Variants in ABCB11 observed in about 807,000 individuals in gnomAD.
ABCB11 encodes bile salt export pump.
Under a neutral mutation model 148.0 loss-of-function variants are expected in ABCB11, and 95 were observed. The ratio of observed to expected loss-of-function variants is 0.64; its 90% CI spans 0.54 to 0.76. The LOEUF (loss-of-function observed/expected upper bound fraction) is 0.76, where lower values mean the gene tolerates loss of function less well. Among genes scored for constraint, ABCB11 ranks in the 30% least tolerant of loss-of-function variants. The pLI, the probability that ABCB11 is intolerant of heterozygous loss-of-function variation, is 0.00. For synonymous variants in ABCB11, 591 were observed against 555.4 expected, an observed-to-expected ratio of 1.06 and a Z score of -0.90; for missense variants, 1,523 against 1,617.8, an observed-to-expected ratio of 0.94 and a Z score of 1.01.
downstream of ABCB11, among the ~76,000 whole-genome samples, chr2:168,918,956 T>A (rs1469766867): frequency 6.6e-6 from 1 of 152,218 alleles, no homozygotes. Context: ...AAGATATATA[T>A]GTACATAAAT....
In ABCB11 at chr2:168,935,238, C is replaced by A; in HGVS notation, c.3002G>T (p.Arg1001Ile). Residue 1001 changes from arginine (R) to isoleucine (I), a missense_variant, in exon 23 of 28, where the codon AGA becomes ATA. Physicochemically the swap from Arg to Ile is moderately conservative, Grantham distance 97. Coordinates refer to ENST00000650372, the MANE Select transcript of ABCB11 (RefSeq NM_003742.4). The part of the protein sequence containing the change: ...IMFIANSASY[R>I]YGGYLISNEG... ...ATTGGAGATTAAGTAACCTCCATAT[C>A]TGTAGGAAGCAGAATTCGCAATAAA... 6.2e-7 allele frequency: 1 copy of A among 1,613,960 alleles called. No homozygotes were observed. The highest frequency in any genetic ancestry group is 1.7e-5 in the Admixed American group (1 of 60,028).
chr2:169,005,967 A>G (rs1447342084), intron 5 of ABCB11, among the ~76,000 whole-genome samples: 1 of 152,256 alleles, frequency 6.6e-6, no homozygotes, highest in South Asian at 2.1e-4. Context: ...GAAGAATTCT[A>G]CAAAGCATTT....
intron 19 of ABCB11, among the ~76,000 whole-genome samples, chr2:168,951,745 T>TC (rs1405267869): frequency 6.6e-6 from 1 of 151,652 alleles, no homozygotes; most frequent in Admixed American, 6.6e-5. Flanking sequence ...TTATTTTTTT[T>TC]CTCTTGCCTG....
In ABCB11 at chr2:168,939,869, A is replaced by G. The variant is rs558728288; in HGVS notation, c.2611-3436T>C. On this transcript the variant is annotated intron_variant, in intron 21 of 27. Coordinates refer to ENST00000650372, the MANE Select transcript of ABCB11 (RefSeq NM_003742.4). The stretch of plus-strand genomic sequence containing the variant: ...TTTTAGTAATTCTCAAAATATTCAA[A>G]CTTTTTCATTATTATATCTGTTATG... Among the ~76,000 whole-genome samples the G allele has an allele frequency of 7.2e-5, 11 of 152,126 alleles. No individual in the cohort carries two copies. In the East Asian group the frequency reaches 1.7e-3, roughly 24 times the overall value.
intron 21 of ABCB11, among the ~76,000 whole-genome samples, chr2:168,938,343 A>G (rs1691916946): frequency 6.6e-6 from 1 of 152,252 alleles, no homozygotes; most frequent in African/African-American, 2.4e-5. Flanking sequence ...ATAAACATCC[A>G]TAAAAATGTA....
At chr2:168,924,005 C>T (rs1328593872) in intron 27 of ABCB11, among the ~76,000 whole-genome samples, 183 bp from the exon 28 acceptor site, 2 of 152,142 alleles carry the variant, frequency 1.3e-5, no homozygotes, top group Non-Finnish European at 2.9e-5. Flanking sequence ...ATTTCAATGG[C>T]AGTGCACTGG....
At chr2:168,983,147 T>C (rs1054980245) in intron 10 of ABCB11, among the ~76,000 whole-genome samples, 10 of 152,200 alleles carry the variant, frequency 6.6e-5, no homozygotes, top group Non-Finnish European at 7.3e-5. Context: ...TTATTTGATT[T>C]TCAATTTACC....
intron 9 of ABCB11, among the ~76,000 whole-genome samples, chr2:168,987,623 G>C (rs1400893054): frequency 6.6e-6 from 1 of 152,040 alleles, no homozygotes; most frequent in Non-Finnish European, 1.5e-5. Flanking sequence ...TAGAGATGAG[G>C]TTTTGCCATG....
chr2:168,925,843 A>C (rs485094), intron 26 of ABCB11, among the ~76,000 whole-genome samples: 111,635 of 152,152 alleles, frequency 0.73, 41,705 homozygotes, highest in East Asian at 0.97. Context: ...CAGCTCCATG[A>C]CAGTGCCTTG....
Position 168,944,852 on chromosome 2 carries a change from C to A in ABCB11, c.2448+5G>T. The A allele has an allele frequency of 6.3e-7, 1 of 1,596,868 alleles. No individual in the cohort carries two copies. The highest frequency in any genetic ancestry group is 1.7e-5 in the Admixed American group (1 of 57,574). On this transcript the variant is annotated splice_donor_5th_base_variant and intron_variant, in intron 20 of 27. Coordinates refer to ENST00000650372, the MANE Select transcript of ABCB11 (RefSeq NM_003742.4). ...AATCACTTACTGAAAAATAACATTT[C>A]TTACCTGTAGAAATTGGGTGAAAAG...
chr2:168,980,195 T>C (rs1694087507), intron 10 of ABCB11, among the ~76,000 whole-genome samples: 1 of 100,146 alleles, frequency 1.0e-5, no homozygotes, highest in South Asian at 3.4e-4. Context: ...AAATACCACT[T>C]TATTTTTTTA....
At chr2:168,952,691 GT>G (rs1207576273) in intron 19 of ABCB11, among the ~76,000 whole-genome samples, 62 of 41,980 alleles carry the variant, frequency 1.5e-3, no homozygotes, top group East Asian at 5.2e-3. Context: ...TTTTTTTTTT[GT>G]TTGTTTCTAT....
chr2:169,016,859 A>G, intron 2 of ABCB11, 60 bp from the exon 3 acceptor site: 2 of 1,304,110 alleles, frequency 1.5e-6, no homozygotes, highest in Admixed American at 4.5e-5. Flanking sequence ...AATGCAACGC[A>G]GTCATTAAGA....
intron 22 of ABCB11, 145 bp downstream of exon 22, chr2:168,936,085 A>C: frequency 1.3e-6 from 1 of 744,576 alleles, no homozygotes; most frequent in Non-Finnish European, 2.1e-6. Flanking sequence ...CCAAGCACGC[A>C]TAGAAAGGGT....
intron 19 of ABCB11, among the ~76,000 whole-genome samples, chr2:168,952,735 C>A (rs1235270034): frequency 1.1e-5 from 1 of 88,570 alleles, no homozygotes; most frequent in African/African-American, 4.0e-5. Flanking sequence ...TTTGTTATTT[C>A]TTTTCTTTTG....
At chr2:168,930,615 T>A (rs929602873) in intron 25 of ABCB11, 50 bp downstream of exon 25, 1 of 1,391,006 alleles carries the variant, frequency 7.2e-7, no homozygotes. Context: ...TTTTAGGGGT[T>A]GGAAATACTC....
chr2:168,963,595 C>A (rs1226306932), intron 18 of ABCB11, among the ~76,000 whole-genome samples: 1 of 151,700 alleles, frequency 6.6e-6, no homozygotes. Flanking sequence ...TGTTTGCTTT[C>A]CTAGCTCTTT....
chr2:168,919,531 C>A (rs140925145), downstream of ABCB11, among the ~76,000 whole-genome samples: 1 of 152,086 alleles, frequency 6.6e-6, no homozygotes, highest in Non-Finnish European at 1.5e-5. Context: ...GATCTCCTTC[C>A]TAATCATCCT....
At chr2:168,958,501 C>T (rs1325907583) in intron 18 of ABCB11, among the ~76,000 whole-genome samples, 1 of 151,506 alleles carries the variant, frequency 6.6e-6, no homozygotes, top group Non-Finnish European at 1.5e-5. Context: ...GTGAAATTTT[C>T]AATTTTTTAA....
Sources: allele counts gnomAD v4.1 joint callset (sites outside exome capture counted in the v4.1 genomes callset), GRCh38; gene constraint gnomAD v4.1.1; transcripts MANE v1.5; gene names NCBI Gene and HGNC (gene_info 2026-07-23, HGNC 2026-07-21).